The following NDST4 variants were observed in gnomAD, a reference collection of about 807,000 sequenced individuals.
NDST4 encodes the protein N-heparan sulfate sulfotransferase 4.
Under a neutral mutation model 100.8 loss-of-function variants are expected in NDST4, and 63 were observed. That is an observed-to-expected ratio of 0.62 (90% CI 0.51 to 0.77). The LOEUF (loss-of-function observed/expected upper bound fraction) is 0.77, where lower values mean the gene tolerates loss of function less well. Among genes scored for constraint, NDST4 ranks in the 30% least tolerant of loss-of-function variants. NDST4 has a pLI of 0.00. For synonymous variants in NDST4, 377 were observed against 361.8 expected (o/e 1.04, Z -0.48); for missense variants, 943 against 1,018.4 (o/e 0.93, Z 1.01).
intron 11 of NDST4, 82 bp from the exon 12 acceptor site, chr4:114,833,797 A>C (rs1430025193): frequency 1.2e-6 from 1 of 808,112 alleles, no homozygotes; most frequent in African/African-American, 1.7e-5. Context: ...CTGGTGTGAC[A>C]TTCATAAATT....
At chr4:114,911,805 A>C (rs1167926359) in intron 6 of NDST4, among the ~76,000 whole-genome samples, 1 of 152,138 alleles carries the variant, frequency 6.6e-6, no homozygotes, top group African/African-American at 2.4e-5. Flanking sequence ...ATAAGTATAG[A>C]ATTGTTATAG....
chr4:114,968,149 T>C (rs1404003569), intron 4 of NDST4, among the ~76,000 whole-genome samples: 1 of 152,172 alleles, frequency 6.6e-6, no homozygotes, highest in Non-Finnish European at 1.5e-5. Context: ...GTCTGGGGAT[T>C]TAGAGACTCA....
intron 1 of NDST4, among the ~76,000 whole-genome samples, chr4:115,109,268 A>G (rs1490628387): frequency 6.6e-6 from 1 of 151,850 alleles, no homozygotes; most frequent in Non-Finnish European, 1.5e-5. Context: ...CTAACTTTCA[A>G]CTTCTGTGTA....
intron 12 of NDST4, among the ~76,000 whole-genome samples, chr4:114,833,188 C>G (rs1723238621): frequency 6.6e-6 from 1 of 152,124 alleles, no homozygotes; most frequent in South Asian, 2.1e-4. Flanking sequence ...TTAATAAATA[C>G]ATAATAAAAC....
chr4:115,007,160 C>G (rs941120118), intron 2 of NDST4, among the ~76,000 whole-genome samples: 1 of 152,114 alleles, frequency 6.6e-6, no homozygotes, highest in Non-Finnish European at 1.5e-5. Context: ...GCTAATAACA[C>G]TACATGTAAA....
At chr4:114,986,819 T>C (rs1162820968) in intron 2 of NDST4, among the ~76,000 whole-genome samples, 4 of 125,582 alleles carry the variant, frequency 3.2e-5, no homozygotes, top group African/African-American at 1.3e-4. Flanking sequence ...TATATATATA[T>C]ATATATATAT....
At chr4:114,916,954 C>T (rs929915545) in intron 6 of NDST4, among the ~76,000 whole-genome samples, 5 of 151,648 alleles carry the variant, frequency 3.3e-5, no homozygotes, top group African/African-American at 1.2e-4. Flanking sequence ...AATCAAATAA[C>T]CTATTGCTGT....
chr4:114,943,484 C>T (rs1725795625), intron 4 of NDST4, among the ~76,000 whole-genome samples: 1 of 152,120 alleles, frequency 6.6e-6, no homozygotes, highest in African/African-American at 2.4e-5. Flanking sequence ...TTTTCTCCCA[C>T]CCTAGACTGA....
At chr4:114,864,203 C>T (rs1723976878) in intron 7 of NDST4, among the ~76,000 whole-genome samples, 1 of 152,286 alleles carries the variant, frequency 6.6e-6, no homozygotes, top group Admixed American at 6.5e-5. Context: ...ATAACTAGGA[C>T]ATTTCTAGAC....
chr4:115,090,326 C>A (rs183740727), intron 1 of NDST4, among the ~76,000 whole-genome samples: 2 of 151,614 alleles, frequency 1.3e-5, no homozygotes, highest in African/African-American at 2.4e-5. Flanking sequence ...GATATTTACA[C>A]CTAATTTTTA....
intron 2 of NDST4, among the ~76,000 whole-genome samples, chr4:115,065,769 G>A (rs1019871787): frequency 5.3e-5 from 8 of 152,056 alleles, no homozygotes; most frequent in African/African-American, 7.2e-5. Context: ...AAAGGCAAAC[G>A]TTCTATAACA....
At chr4:115,033,155 A>T (rs201338913) in intron 2 of NDST4, among the ~76,000 whole-genome samples, 1,429 of 27,454 alleles carry the variant, frequency 0.052, 21 homozygotes, top group Middle Eastern at 0.18. Context: ...ATATATATAT[A>T]TATTTTTTTT....
At chr4:114,923,696 A>C (rs1337221183) in intron 6 of NDST4, among the ~76,000 whole-genome samples, 1 of 152,050 alleles carries the variant, frequency 6.6e-6, no homozygotes. Flanking sequence ...AGCATTATGC[A>C]CCTAGTACTT....
chr4:114,880,068 G>A (rs374786107), intron 6 of NDST4, among the ~76,000 whole-genome samples: 6 of 152,252 alleles, frequency 3.9e-5, no homozygotes, highest in South Asian at 2.1e-4. Context: ...CAGTGACTTC[G>A]TCAAAGCAGC....
At chr4:115,074,188 T>C (rs1264657521) in intron 2 of NDST4, among the ~76,000 whole-genome samples, 1 of 152,018 alleles carries the variant, frequency 6.6e-6, no homozygotes, top group Admixed American at 6.5e-5. Context: ...TTGTATTCTA[T>C]TTGGAGTTAT....
At chr4:114,946,980 G>A (rs926290299) in intron 4 of NDST4, among the ~76,000 whole-genome samples, 22 of 151,404 alleles carry the variant, frequency 1.5e-4, no homozygotes, top group Non-Finnish European at 2.9e-4. Flanking sequence ...TTTGTTGGTC[G>A]ATTTTTTTTC....
At chr4:115,104,808 G>T (rs377588389) in intron 1 of NDST4, among the ~76,000 whole-genome samples, 3 of 152,024 alleles carry the variant, frequency 2.0e-5, no homozygotes, top group Non-Finnish European at 4.4e-5. Flanking sequence ...AGAAAGATTG[G>T]GAGCAGTCAA....
intron 11 of NDST4, among the ~76,000 whole-genome samples, chr4:114,834,930 G>A (rs1723278837): frequency 6.6e-6 from 1 of 152,138 alleles, no homozygotes; most frequent in Non-Finnish European, 1.5e-5. Context: ...ATGACAGTTT[G>A]TATTTCTGTG....
At chr4:115,022,361 C>T (rs112254389) in intron 2 of NDST4, among the ~76,000 whole-genome samples, 3,934 of 50,440 alleles carry the variant, frequency 0.078, 273 homozygotes, top group Middle Eastern at 0.23. Context: ...GTTCCACGTA[C>T]ATATGTGTTC....
Sources: allele counts gnomAD v4.1 joint callset (sites outside exome capture counted in the v4.1 genomes callset), GRCh38; gene constraint gnomAD v4.1.1; transcripts MANE v1.5; gene names NCBI Gene and HGNC (gene_info 2026-07-23, HGNC 2026-07-21).